SCFD2: variants seen among roughly 807,000 people sequenced by gnomAD.
SCFD2 encodes sec1 family domain containing 2.
Under a neutral mutation model 58.9 loss-of-function variants are expected in SCFD2, and 54 were observed. The observed-to-expected ratio is 0.92, with a 90% confidence interval of 0.74 to 1.15. The LOEUF is 1.15. Ranked by LOEUF, SCFD2 falls within the 50% of genes most tolerant of loss-of-function variation. The pLI is 0.00. For synonymous variants in SCFD2, 321 were observed against 335.9 expected, an observed-to-expected ratio of 0.96 and a Z score of 0.49; for missense variants, 805 against 836.6, an observed-to-expected ratio of 0.96 and a Z score of 0.47.
intron 4 of SCFD2, among the ~76,000 whole-genome samples, chr4:53,236,949 C>T (rs1392020777): frequency 1.3e-5 from 2 of 151,500 alleles, no homozygotes; most frequent in Non-Finnish European, 2.9e-5. Context: ...AACAAGTGAA[C>T]AAAGGTCTCT....
chr4:53,153,227 G>T (rs1367715758), intron 4 of SCFD2, among the ~76,000 whole-genome samples: 1 of 152,176 alleles, frequency 6.6e-6, no homozygotes, highest in Non-Finnish European at 1.5e-5. Flanking sequence ...CTCTGCAGGG[G>T]CTCCACCTCT....
chr4:53,125,487 T>G (rs1485049438), intron 5 of SCFD2, among the ~76,000 whole-genome samples: 1 of 152,238 alleles, frequency 6.6e-6, no homozygotes, highest in African/African-American at 2.4e-5. Flanking sequence ...CAACAAAAAT[T>G]TATCAGATAT....
chr4:53,137,643 T>C (rs1466466564), intron 5 of SCFD2, among the ~76,000 whole-genome samples: 1 of 152,230 alleles, frequency 6.6e-6, no homozygotes, highest in African/African-American at 2.4e-5. Flanking sequence ...ATTCATTCTC[T>C]AGCTTTACAC....
chr4:52,957,819 C>T (rs1439325047), intron 5 of SCFD2: 4 of 152,200 alleles, frequency 2.6e-5, no homozygotes, highest in Admixed American at 6.5e-5. Context: ...AAAACTAACG[C>T]TGATAGAGGT....
chr4:52,874,236 C>A (rs1331262136), intron 8 of SCFD2, among the ~76,000 whole-genome samples, 175 bp from the exon 9 acceptor site: 1 of 152,112 alleles, frequency 6.6e-6, no homozygotes, highest in African/African-American at 2.4e-5. Context: ...AGTGCCCTGC[C>A]TGGAAGGAGG....
intron 5 of SCFD2, among the ~76,000 whole-genome samples, chr4:52,930,083 C>T (rs912796724): frequency 1.4e-4 from 22 of 152,148 alleles, no homozygotes; most frequent in Admixed American, 1.4e-3. Flanking sequence ...CTGGAGGCAT[C>T]ACACTACCTG....
At chr4:53,272,243 T>C (rs1196224739) in intron 4 of SCFD2, among the ~76,000 whole-genome samples, 1 of 152,006 alleles carries the variant, frequency 6.6e-6, no homozygotes, top group Non-Finnish European at 1.5e-5. Context: ...GGAACACTTT[T>C]ACACTGTTGG....
chr4:53,023,259 C>T (rs1489325433), intron 5 of SCFD2, among the ~76,000 whole-genome samples: 1 of 152,152 alleles, frequency 6.6e-6, no homozygotes, highest in African/African-American at 2.4e-5. Context: ...ATGAATATTG[C>T]TAAGATGAGG....
intron 5 of SCFD2, among the ~76,000 whole-genome samples, chr4:53,101,423 C>G (rs933345514): frequency 4.9e-4 from 75 of 152,204 alleles, no homozygotes; most frequent in African/African-American, 1.8e-3. Context: ...CCAGTAGATT[C>G]TAGTTAACAG....
chr4:53,268,502 G>T (rs1255888611), intron 4 of SCFD2, among the ~76,000 whole-genome samples: 4 of 152,154 alleles, frequency 2.6e-5, no homozygotes, highest in African/African-American at 9.7e-5. Context: ...CCAGGATGCG[G>T]TGTAGGACTC....
intron 4 of SCFD2, among the ~76,000 whole-genome samples, chr4:53,186,555 T>C: frequency 6.6e-6 from 1 of 152,058 alleles, no homozygotes; most frequent in East Asian, 1.9e-4. Flanking sequence ...GAAAGAGTCA[T>C]GAATAAAAAG....
intron 2 of SCFD2, among the ~76,000 whole-genome samples, chr4:53,342,773 G>A (rs1486558556): frequency 6.6e-6 from 1 of 152,100 alleles, no homozygotes; most frequent in Non-Finnish European, 1.5e-5. Context: ...AGACCACAGT[G>A]CAATCAAACT....
intron 4 of SCFD2, among the ~76,000 whole-genome samples, chr4:53,266,654 A>C (rs1327968290): frequency 2.6e-5 from 4 of 152,350 alleles, no homozygotes; most frequent in Non-Finnish European, 5.9e-5. Context: ...AACACTCACT[A>C]ATTGAATCAT....
intron 8 of SCFD2, among the ~76,000 whole-genome samples, chr4:52,876,856 G>A (rs779098434): frequency 8.6e-5 from 13 of 151,782 alleles, no homozygotes; most frequent in Non-Finnish European, 1.5e-4. Flanking sequence ...TAGGTTCTTC[G>A]GAGGTGGTAG....
chr4:53,181,727 C>T (rs932822979), intron 4 of SCFD2, among the ~76,000 whole-genome samples: 2 of 152,328 alleles, frequency 1.3e-5, no homozygotes, highest in Middle Eastern at 3.4e-3. Context: ...TCCCTGTTTG[C>T]AGATGACATG....
At chr4:53,283,744 T>A (rs2149079376) in intron 3 of SCFD2, among the ~76,000 whole-genome samples, 1 of 151,848 alleles carries the variant, frequency 6.6e-6, no homozygotes, top group African/African-American at 2.4e-5. Context: ...AATTTTTGTA[T>A]TTTTTTTCTT....
chr4:53,240,168 A>G (rs1396314076), intron 4 of SCFD2, among the ~76,000 whole-genome samples: 1 of 152,250 alleles, frequency 6.6e-6, no homozygotes, highest in Admixed American at 6.5e-5. Context: ...CAGCAGAACC[A>G]GAAAGATATG....
At chr4:53,133,221 G>A (rs1352439968) in intron 5 of SCFD2, among the ~76,000 whole-genome samples, 2 of 151,396 alleles carry the variant, frequency 1.3e-5, no homozygotes, top group Admixed American at 6.6e-5. Flanking sequence ...CCAGCTACTC[G>A]GGAGGCTGAA....
At chr4:53,018,163 T>C (rs1279211836) in intron 5 of SCFD2, among the ~76,000 whole-genome samples, 1 of 152,222 alleles carries the variant, frequency 6.6e-6, no homozygotes, top group South Asian at 2.1e-4. Context: ...CCAGGGCTCA[T>C]GATAGGGCCT....
Sources: gnomAD v4.1 joint callset for allele counts (sites outside exome capture counted in the v4.1 genomes callset) on GRCh38, gnomAD v4.1.1 for gene constraint, MANE v1.5 for transcripts, NCBI Gene and HGNC (gene_info 2026-07-23, HGNC 2026-07-21) for gene names.